Variants in GHR observed in about 807,000 individuals in gnomAD.
The protein encoded by GHR is GH receptor.
In GHR, 35 loss-of-function variants were observed where a neutral mutation model predicts 67.1. That is an observed-to-expected ratio of 0.52 (90% CI 0.40 to 0.69). The LOEUF is 0.69. Ranked by LOEUF, GHR falls within the 30% of genes least tolerant of loss-of-function variation. The probability of loss-of-function intolerance (pLI) is 0.00; values close to 1 mark genes in which losing one functional copy is unlikely to be tolerated. For synonymous variants in GHR, 272 were observed against 269.1 expected (o/e 1.01, Z -0.10); for missense variants, 792 against 764.6 (o/e 1.04, Z -0.42).
At chr5:42,605,229 G>A (rs1284731459) in intron 2 of GHR, among the ~76,000 whole-genome samples, 1 of 150,366 alleles carries the variant, frequency 6.7e-6, no homozygotes, top group Admixed American at 6.7e-5. Context: ...TCAGCCTCCC[G>A]AGTAGCTGGG....
chr5:42,619,944 G>A (rs1344107444), intron 2 of GHR: 1 of 152,150 alleles, frequency 6.6e-6, no homozygotes, highest in African/African-American at 2.4e-5. Context: ...TATCAGCCTA[G>A]TAAACAAGTA....
chr5:42,461,774 A>G (rs1744497957), intron 1 of GHR, among the ~76,000 whole-genome samples: 1 of 152,204 alleles, frequency 6.6e-6, no homozygotes, highest in Non-Finnish European at 1.5e-5. Context: ...GGGGACATGA[A>G]AAAAGAAAAA....
chr5:42,491,900 C>T (rs1424590288), intron 1 of GHR, among the ~76,000 whole-genome samples: 2 of 152,126 alleles, frequency 1.3e-5, no homozygotes, highest in Non-Finnish European at 1.5e-5. Flanking sequence ...GTGGCGTTTT[C>T]CAGGCAAAAG....
At chr5:42,599,595 G>A (rs937586781) in intron 2 of GHR, among the ~76,000 whole-genome samples, 7 of 151,714 alleles carry the variant, frequency 4.6e-5, no homozygotes, top group Non-Finnish European at 8.8e-5. Flanking sequence ...TCCTGACCTC[G>A]TGATCCACCC....
At chr5:42,460,672 C>A (rs1347825781) in intron 1 of GHR, among the ~76,000 whole-genome samples, 1 of 152,120 alleles carries the variant, frequency 6.6e-6, no homozygotes, top group Non-Finnish European at 1.5e-5. Flanking sequence ...AATGTTAAAT[C>A]TGCAAACACC....
chr5:42,669,675 T>C (rs1400696964), intron 3 of GHR, among the ~76,000 whole-genome samples: 2 of 152,146 alleles, frequency 1.3e-5, no homozygotes, highest in Non-Finnish European at 2.9e-5. Flanking sequence ...AAATTAACCA[T>C]CAAATGCTAC....
At position 42,713,333 on chromosome 5, in the gene GHR, A is replaced by C. The variant is rs1354221671; in HGVS notation, c.785-96A>C. 6.8e-6 allele frequency: 5 copies of C among 736,304 alleles called. No homozygotes were observed. The Admixed American group carries it at 9.1e-5, about 13-fold the overall frequency. The allele number at this position is 736,304 out of a possible 1,614,324, so 45.6% of individuals were successfully genotyped here. ...AAATCACTGACTTTATTAGATGAAT[A>C]CAAATTATGAATTTTTTGTGAAAAG... On this transcript the variant is annotated intron_variant, in intron 7 of 9. Transcript: ENST00000230882.
In GHR at chr5:42,424,305, A is replaced by G. The variant is rs1742745943; in HGVS notation, c.-12+350A>G. On this transcript the variant is annotated intron_variant, in intron 1 of 9. Coordinates refer to ENST00000230882, the MANE Select transcript of GHR (RefSeq NM_000163.5). This position sits in a 1 kb window ranked among gnomAD's most constrained non-coding sequence, Gnocchi z 4.1. ...GTCTGCTCTGGCCCGCGAGTAGTGT[A>G]CGTGGAGGGGTTTACTCCGGAGACA... 1 of 499,838 alleles carries G rather than the reference A, an allele frequency of 2.0e-6. No homozygotes were observed. The highest frequency in any genetic ancestry group is 3.6e-6 in the Non-Finnish European group (1 of 274,708). The allele number at this position is 499,838 out of a possible 1,614,324, so 31.0% of individuals were successfully genotyped here.
chr5:42,501,090 G>A (rs1007755531), intron 1 of GHR, among the ~76,000 whole-genome samples: 4 of 152,112 alleles, frequency 2.6e-5, no homozygotes, highest in African/African-American at 4.8e-5. Flanking sequence ...GATGCATCAG[G>A]TTCTGCAGTA....
At chr5:42,473,830 T>C (rs972968745) in intron 1 of GHR, among the ~76,000 whole-genome samples, 1 of 150,912 alleles carries the variant, frequency 6.6e-6, no homozygotes, top group East Asian at 2.0e-4. Context: ...TGAGCTGAGA[T>C]TGTGCCACTG....
chr5:42,711,961 C>A (rs1222509533), intron 7 of GHR, among the ~76,000 whole-genome samples: 1 of 151,828 alleles, frequency 6.6e-6, no homozygotes, highest in Non-Finnish European at 1.5e-5. Context: ...AGAATCACAA[C>A]AATGATTAAA....
At chr5:42,631,790 A>G (rs1435885076) in intron 3 of GHR, among the ~76,000 whole-genome samples, 5 of 152,200 alleles carry the variant, frequency 3.3e-5, no homozygotes, top group African/African-American at 9.6e-5. Flanking sequence ...GGAAGAAAAA[A>G]TGAAATAAAA....
At chr5:42,554,243 CCAAA>C (rs1579928575) in intron 1 of GHR, among the ~76,000 whole-genome samples, 1 of 152,136 alleles carries the variant, frequency 6.6e-6, no homozygotes, top group East Asian at 1.9e-4. Flanking sequence ...CTGATATGTT[CCAAA>C]CACTCTATTT....
chr5:42,649,161 C>T (rs73095790), intron 3 of GHR, among the ~76,000 whole-genome samples: 3,672 of 152,256 alleles, frequency 0.024, 145 homozygotes, highest in African/African-American at 0.083. Context: ...ACAAGCTTCT[C>T]ATCTGTAAAC....
chr5:42,529,974 A>G (rs1236074341), intron 1 of GHR, among the ~76,000 whole-genome samples: 7 of 147,984 alleles, frequency 4.7e-5, no homozygotes, highest in Non-Finnish European at 9.0e-5. Context: ...GAAATGAAAG[A>G]GAGTAAATCA....
intron 3 of GHR, among the ~76,000 whole-genome samples, chr5:42,662,284 C>A (rs1368325410): frequency 6.6e-6 from 1 of 152,186 alleles, no homozygotes; most frequent in Admixed American, 6.5e-5. Flanking sequence ...CTCTCCATCA[C>A]AAATCAACAG....
intron 2 of GHR, among the ~76,000 whole-genome samples, chr5:42,603,054 TTTTG>T: frequency 6.6e-6 from 1 of 152,146 alleles, no homozygotes; most frequent in Non-Finnish European, 1.5e-5. Flanking sequence ...CTCTCTCAAC[TTTTG>T]TTTGTCTGAG....
chr5:42,534,348 A>T (rs1748144657), intron 1 of GHR, among the ~76,000 whole-genome samples: 1 of 141,268 alleles, frequency 7.1e-6, no homozygotes, highest in Admixed American at 7.3e-5. Flanking sequence ...GTATATATGT[A>T]TGTATATATG....
intron 1 of GHR, among the ~76,000 whole-genome samples, chr5:42,559,070 A>G (rs1295065271): frequency 6.6e-6 from 1 of 152,226 alleles, no homozygotes; most frequent in Non-Finnish European, 1.5e-5. Flanking sequence ...AAAGCTTAAA[A>G]AGTGGGTTCA....
Sources: allele counts gnomAD v4.1 joint callset (sites outside exome capture counted in the v4.1 genomes callset), GRCh38; gene constraint gnomAD v4.1.1; non-coding constraint Gnocchi (gnomAD v3.1); transcripts MANE v1.5; gene names NCBI Gene and HGNC (gene_info 2026-07-23, HGNC 2026-07-21).